Variants in CYB5A observed in about 807,000 individuals in gnomAD.
The protein encoded by CYB5A is cytochrome b5.
In CYB5A, 10 loss-of-function variants were observed where a neutral mutation model predicts 16.2. The ratio of observed to expected loss-of-function variants is 0.62; its 90% CI spans 0.38 to 1.04. The LOEUF is 1.04. Among genes scored for constraint, CYB5A ranks in the 50% least tolerant of loss-of-function variants. The probability of loss-of-function intolerance (pLI) is 0.01; values close to 1 mark genes in which losing one functional copy is unlikely to be tolerated. For synonymous variants in CYB5A, 62 were observed against 57.0 expected, an observed-to-expected ratio of 1.09 and a Z score of -0.40; for missense variants, 161 against 165.9, an observed-to-expected ratio of 0.97 and a Z score of 0.16.
chr18:74,281,521 C>A (rs1240365352), intron 1 of CYB5A, among the ~76,000 whole-genome samples: 2 of 152,062 alleles, frequency 1.3e-5, no homozygotes, highest in African/African-American at 4.8e-5. Context: ...GGGTGAGCAT[C>A]TATGTCAGAG....
At position 74,263,236 on chromosome 18, in the gene CYB5A, T is replaced by C. The variant is rs185404769; in HGVS notation, c.258+113A>G. 1.0e-4 allele frequency: 136 copies of C among 1,362,362 alleles called. No individual in the cohort carries two copies. The African/African-American group carries it at 1.8e-3, about 18-fold the overall frequency. The allele number at this position is 1,362,362 out of a possible 1,614,324, so 84.4% of individuals were successfully genotyped here. A position where few individuals can be genotyped will look rare whatever the true frequency, so the allele number is the denominator to read the frequency against. The stretch of plus-strand genomic sequence containing the variant: ...AAAAATGGTGTCCTAAAATCAGGAG[T>C]TGTTTTTGCTTTACTCCTTTTAAAA... On this transcript the variant is annotated intron_variant, in intron 2 of 4. Transcript: ENST00000340533.
intron 1 of CYB5A, among the ~76,000 whole-genome samples, chr18:74,266,854 T>C (rs1239864040): frequency 1.5e-5 from 2 of 134,604 alleles, no homozygotes; most frequent in African/African-American, 5.4e-5. Context: ...AAAAAAAACA[T>C]AGCTTAGAAT....
In CYB5A at chr18:74,263,468, C is replaced by A; in HGVS notation, c.139G>T (p.Gly47Trp). The A allele has an allele frequency of 2.5e-6, 4 of 1,614,140 alleles. No homozygotes were observed. The highest frequency in any genetic ancestry group is 3.4e-6 in the Non-Finnish European group (4 of 1,180,010). Residue 47 changes from glycine (G) to tryptophan (W), a missense_variant, in exon 2 of 5, where the codon GGG becomes TGG. Physicochemically the swap from Gly to Trp is radical, Grantham distance 184 (BLOSUM62 -2). Transcript: ENST00000340533. ...GCTTGTTCCCTTAAAACTTCTTCCCCACCAGGATGCTGTTCAAAGGAGAGG... is the reference window on the plus strand; with the variant it reads ...GCTTGTTCCCTTAAAACTTCTTCCCAACCAGGATGCTGTTCAAAGGAGAGG... ...LTKFLEEHPG[G>W]EEVLREQAGG... is the part of the protein sequence containing the mutation.
At chr18:74,272,675 T>C (rs907124521) in intron 1 of CYB5A, among the ~76,000 whole-genome samples, 16 of 152,244 alleles carry the variant, frequency 1.1e-4, no homozygotes, top group Non-Finnish European at 1.8e-4. Flanking sequence ...TCCCAGTACT[T>C]TGGGAGGCCG....
Position 74,255,776 on chromosome 18 carries a change from C to G in CYB5A, c.289-1G>C, listed in dbSNP as rs113076065. 7 of 1,610,416 alleles carry G rather than the reference C, an allele frequency of 4.3e-6. No homozygotes were observed. The highest frequency in any genetic ancestry group is 5.9e-6 in the Non-Finnish European group (7 of 1,176,768). On this transcript the variant is annotated splice_acceptor_variant, in intron 3 of 4. Transcript: ENST00000340533. LOFTEE classifies it high-confidence loss of function. Reference sequence around the variant, plus strand: ...AATCAATAGTAGTGATAAGAGTTTCCTGAAACACGAGAGGAAAAAGTAAAG... The same window carrying G: ...AATCAATAGTAGTGATAAGAGTTTCGTGAAACACGAGAGGAAAAAGTAAAG...
intron 4 of CYB5A, among the ~76,000 whole-genome samples, 188 bp from the exon 5 acceptor site, chr18:74,253,853 T>A (rs1351431120): frequency 6.6e-6 from 1 of 152,206 alleles, no homozygotes; most frequent in Non-Finnish European, 1.5e-5. Flanking sequence ...ATACTAGGAA[T>A]CACTCTGCCC....
intron 1 of CYB5A, among the ~76,000 whole-genome samples, chr18:74,278,922 G>A (rs756003904): frequency 6.6e-6 from 1 of 152,178 alleles, no homozygotes. Flanking sequence ...ATAAAATAAA[G>A]CAGGTGTGCT....
chr18:74,274,208 C>T (rs1009899047), intron 1 of CYB5A, among the ~76,000 whole-genome samples: 1 of 152,196 alleles, frequency 6.6e-6, no homozygotes, highest in African/African-American at 2.4e-5. Context: ...TCAATAAAGA[C>T]ATGATCTTGG....
intron 1 of CYB5A, among the ~76,000 whole-genome samples, chr18:74,291,351 G>C (rs1983528126): frequency 6.6e-6 from 1 of 151,626 alleles, no homozygotes; most frequent in Admixed American, 6.6e-5. Flanking sequence ...GCGCTCCCAG[G>C]TGTGCACGCG....
Position 74,253,742 on chromosome 18 carries a change from GA to G in CYB5A, c.324-78del, listed in dbSNP as rs1981857864. 1.4e-5 allele frequency: 14 copies of G among 986,346 alleles called. No homozygotes were observed. In the South Asian group the frequency reaches 1.9e-4, roughly 13 times the overall value. 61.1% of individuals were successfully genotyped at this position (986,346 alleles called of 1,614,324 possible). A position where few individuals can be genotyped will look rare whatever the true frequency, so the allele number is the denominator to read the frequency against. On this transcript the variant is annotated intron_variant, in intron 4 of 4. Transcript: ENST00000340533. ...CTCAAAATCTTTGCTCCTTCTAACA[GA>G]AAATTACCAGGGCATGTTTTTCTTA...
chr18:74,252,004 G>C lies in CYB5A; in HGVS notation c.*1580C>G, dbSNP rs1337157473. The C allele has an allele frequency of 6.6e-6, 1 of 152,180 alleles. No individual in the cohort carries two copies. The highest frequency in any genetic ancestry group is 2.4e-5 in the African/African-American group (1 of 41,440). The allele number at this position is 152,180 out of a possible 1,614,324, so 9.4% of individuals were successfully genotyped here. A position where few individuals can be genotyped will look rare whatever the true frequency, so the allele number is the denominator to read the frequency against. ...GTTTTAAAAACTACTAAAATGTGAA[G>C]CTTTATAGCTAAAAATCACAACCAA... On this transcript the variant is annotated 3_prime_UTR_variant, in exon 5 of 5. Coordinates refer to ENST00000340533, the MANE Select transcript of CYB5A (RefSeq NM_148923.4).
chr18:74,288,620 A>G (rs1983407505), intron 1 of CYB5A, among the ~76,000 whole-genome samples: 1 of 152,192 alleles, frequency 6.6e-6, no homozygotes, highest in Non-Finnish European at 1.5e-5. Flanking sequence ...GTTTCAGACA[A>G]ACAGACTAGC....
intron 1 of CYB5A, among the ~76,000 whole-genome samples, chr18:74,276,985 G>T (rs1982907620): frequency 6.6e-6 from 1 of 152,134 alleles, no homozygotes; most frequent in Non-Finnish European, 1.5e-5. Context: ...ATCCATTCTG[G>T]AGTTTTAAAC....
chr18:74,265,190 T>C (rs1474593341), intron 1 of CYB5A, among the ~76,000 whole-genome samples: 1 of 152,198 alleles, frequency 6.6e-6, no homozygotes, highest in East Asian at 1.9e-4. Context: ...TAAACATACC[T>C]AGTGCTAAGG....
chr18:74,260,931 T>C lies in CYB5A; in HGVS notation c.272A>G (p.Lys91Arg), dbSNP rs1342670550. The C allele has an allele frequency of 6.2e-7, 1 of 1,612,710 alleles. No homozygotes were observed. Among genetic ancestry groups the C allele is most frequent in the African/African-American group, 1.3e-5 (1 of 74,916 alleles). The change falls in exon 3 of 5, where the codon AAG becomes AGG. Residue 91 changes from lysine (K) to arginine (R), a missense_variant. Coordinates refer to ENST00000340533, the MANE Select transcript of CYB5A (RefSeq NM_148923.4). ...CACACTTACCGGAGGCTTGTTTAAC[T>C]TTGGTCTGTCATCCTGCAATGAAAA... The part of the protein sequence containing the change: ...IGELHPDDRP[K>R]LNKPPETLIT...
intron 3 of CYB5A, chr18:74,260,436 C>A: frequency 4.3e-6 from 1 of 229,908 alleles, no homozygotes; most frequent in Non-Finnish European, 8.6e-6. Context: ...AAAAGTAAGT[C>A]AAAAGGGTAT....
intron 1 of CYB5A, among the ~76,000 whole-genome samples, chr18:74,279,787 C>T (rs1983021607): frequency 6.6e-6 from 1 of 152,170 alleles, no homozygotes; most frequent in Middle Eastern, 3.2e-3. Context: ...TGTCACCCAG[C>T]AGCCATTCCA....
intron 3 of CYB5A, 83 bp downstream of exon 3, chr18:74,260,832 T>C (rs1982168847): frequency 8.6e-7 from 1 of 1,164,968 alleles, no homozygotes. Context: ...ATCAGTCAGG[T>C]AAATAAAAAC....
rs780130050 is a variant in CYB5A, at chr18:74,291,862, G to C, written c.14C>G (p.Ser5Trp). 1.9e-5 allele frequency: 31 copies of C among 1,612,890 alleles called. No homozygotes were observed. In the East Asian group the frequency reaches 6.7e-4, roughly 35 times the overall value. MAEQ[S>W]DEAVKYYTLE... ...GGTGTAGTACTTCACGGCCTCGTCCGACTGCTCTGCCATCTCGGTTCGCCG... is the reference window on the plus strand; with the variant it reads ...GGTGTAGTACTTCACGGCCTCGTCCCACTGCTCTGCCATCTCGGTTCGCCG... The change falls in exon 1 of 5, where the codon TCG becomes TGG. Residue 5 changes from serine to tryptophan, a missense_variant. Transcript: ENST00000340533.
Sources: allele counts gnomAD v4.1 joint callset (sites outside exome capture counted in the v4.1 genomes callset), GRCh38; gene constraint gnomAD v4.1.1; transcripts MANE v1.5; gene names NCBI Gene and HGNC (gene_info 2026-07-23, HGNC 2026-07-21).